The following MTMR10 variants were observed in gnomAD, a reference collection of about 807,000 sequenced individuals.
MTMR10 encodes myotubularin related protein 10, also known as myotubularin-related protein 10.
A neutral mutation model predicts 88.1 loss-of-function variants in MTMR10; 56 were observed. The ratio of observed to expected loss-of-function variants is 0.64; its 90% CI spans 0.51 to 0.79. MTMR10 has a LOEUF of 0.79. Ranked by LOEUF, MTMR10 falls within the 30% of genes least tolerant of loss-of-function variation. The pLI, the probability that MTMR10 is intolerant of heterozygous loss-of-function variation, is 0.00. For synonymous variants in MTMR10, 380 were observed against 340.9 expected (o/e 1.11, Z -1.26); for missense variants, 883 against 924.7 (o/e 0.95, Z 0.58).
chr15:30,969,825 A>G (rs1181542166), intron 5 of MTMR10, among the ~76,000 whole-genome samples: 3 of 152,018 alleles, frequency 2.0e-5, no homozygotes, highest in Non-Finnish European at 4.4e-5. Flanking sequence ...GTTTGAACAC[A>G]TTCTGCCTGA....
intron 14 of MTMR10, among the ~76,000 whole-genome samples, chr15:30,944,940 A>C (rs1430213960): frequency 1.3e-5 from 2 of 151,804 alleles, no homozygotes; most frequent in Non-Finnish European, 2.9e-5. Context: ...TGGACCCAGG[A>C]GGCAGAGGTT....
At chr15:30,962,809 C>T (rs1456141000) in intron 6 of MTMR10, among the ~76,000 whole-genome samples, 1 of 152,160 alleles carries the variant, frequency 6.6e-6, no homozygotes, top group Non-Finnish European at 1.5e-5. Context: ...AAAGAGAAGT[C>T]CCCTAACTCT....
chr15:30,979,432 G>A (rs912176937), intron 2 of MTMR10, among the ~76,000 whole-genome samples: 15 of 151,654 alleles, frequency 9.9e-5, no homozygotes, highest in African/African-American at 3.4e-4. Flanking sequence ...GTGGTGGTGC[G>A]CCAGGCGTGG....
In MTMR10 at chr15:30,974,997, G is replaced by A; in HGVS notation, c.265C>T (p.His89Tyr). 9 of 1,554,034 alleles carry A rather than the reference G, an allele frequency of 5.8e-6. No individual in the cohort carries two copies. Among genetic ancestry groups the A allele is most frequent in the Non-Finnish European group, 7.9e-6 (9 of 1,145,034 alleles). The change falls in exon 4 of 16, where the codon CAT (histidine) becomes TAT (tyrosine). Residue 89 changes from histidine (H) to tyrosine (Y), a missense_variant. His to Tyr is a moderately conservative substitution (Grantham distance 83). Coordinates refer to ENST00000435680, the MANE Select transcript of MTMR10 (RefSeq NM_017762.3). ...TDDPMPLQKF[H>Y]YRNLLLGEHD... is the part of the protein sequence containing the mutation. The stretch of plus-strand genomic sequence containing the variant: ...TCACCAAGAAGAAGGTTTCTGTAAT[G>A]GAATTTCTGGAATAAAAAATTATGT...
the MTMR10 span, chr15:30,925,258 G>C: frequency 3.7e-6 from 6 of 1,614,194 alleles, no homozygotes; most frequent in Non-Finnish European, 5.1e-6. Flanking sequence ...TCTTCCAGCA[G>C]CTCCCAGAAA....
chr15:30,981,369 T>G (rs982887669), intron 2 of MTMR10, among the ~76,000 whole-genome samples: 2 of 152,190 alleles, frequency 1.3e-5, no homozygotes, highest in African/African-American at 4.8e-5. Context: ...TAACCTGAAG[T>G]GATCGAGGTT....
the MTMR10 span, chr15:30,927,448 G>A: frequency 1.3e-5 from 13 of 985,528 alleles, no homozygotes; most frequent in Non-Finnish European, 1.6e-5. Context: ...GGGATGAGGG[G>A]CTAGAACTGA....
chr15:30,955,393 C>T (rs982691125), intron 9 of MTMR10, among the ~76,000 whole-genome samples: 12 of 152,228 alleles, frequency 7.9e-5, no homozygotes, highest in African/African-American at 2.7e-4. Context: ...GCCTCACCCT[C>T]CCGAGTAGTT....
chr15:30,989,586 G>GT (rs35798908), intron 2 of MTMR10, among the ~76,000 whole-genome samples: 41,399 of 143,314 alleles, frequency 0.29, 6,213 homozygotes, highest in Non-Finnish European at 0.33. Context: ...TTGATTTCAG[G>GT]TTTTTTTTTT....
At chr15:30,938,904 C>T, downstream of MTMR10, 1 of 984,840 alleles carries the variant, frequency 1.0e-6, no homozygotes, top group Non-Finnish European at 1.2e-6. Context: ...CTATCAATCA[C>T]TGTGTTCCAG....
At chr15:30,942,122 A>C in intron 15 of MTMR10, 50 bp from the exon 16 acceptor site, 1 of 1,553,726 alleles carries the variant, frequency 6.4e-7, no homozygotes, top group Non-Finnish European at 8.7e-7. Flanking sequence ...TTTTAGAAAG[A>C]TTGAAGGATG....
At chr15:30,956,414 C>A (rs2063328894) in intron 9 of MTMR10, 1 of 152,100 alleles carries the variant, frequency 6.6e-6, no homozygotes, top group Admixed American at 6.5e-5. Context: ...GTGGTGAATG[C>A]CATGGATGAT....
At chr15:30,968,601 T>C (rs2063501014) in intron 5 of MTMR10, among the ~76,000 whole-genome samples, 1 of 150,144 alleles carries the variant, frequency 6.7e-6, no homozygotes, top group African/African-American at 2.5e-5. Context: ...TAAAATGGTT[T>C]GGGACTGTGT....
chr15:30,937,176 G>A, downstream of MTMR10: 1 of 1,614,112 alleles, frequency 6.2e-7, no homozygotes, highest in South Asian at 1.1e-5. Context: ...GATCTGGCTG[G>A]CTGAACTGCA....
At chr15:30,970,549 G>A (rs964155034) in intron 5 of MTMR10, among the ~76,000 whole-genome samples, 1 of 152,030 alleles carries the variant, frequency 6.6e-6, no homozygotes, top group African/African-American at 2.4e-5. Context: ...ACTGACAAAA[G>A]TAGTTACCAA....
At chr15:30,936,553 CAGAAT>C (rs2062857929), downstream of MTMR10, among the ~76,000 whole-genome samples, 2 of 152,338 alleles carry the variant, frequency 1.3e-5, no homozygotes. Context: ...CTAGTTTCTA[CAGAAT>C]AGAAGAATTT....
Position 30,944,875 on chromosome 15 carries a change from G to A in MTMR10, c.1549-1803C>T, listed in dbSNP as rs758983505. Among the ~76,000 whole-genome samples the A allele has an allele frequency of 2.0e-5, 3 of 152,026 alleles. No individual in the cohort carries two copies. In the South Asian group the frequency reaches 6.2e-4, roughly 32 times the overall value. On this transcript the variant is annotated intron_variant, in intron 14 of 15. Transcript: ENST00000435680. ...AAAAATACAAAAATTAGCTAGGCGT[G>A]GTGGCATGCGCCTGCAGTCCTAGCT...
At chr15:30,951,914 A>T (rs1165390063) in intron 12 of MTMR10, 54 bp downstream of exon 12, 9 of 1,491,166 alleles carry the variant, frequency 6.0e-6, no homozygotes, top group Admixed American at 1.7e-5. Flanking sequence ...CAAGCAGTAA[A>T]CCAAGGCTGG....
intron 2 of MTMR10, among the ~76,000 whole-genome samples, chr15:30,990,035 C>G (rs189044213): frequency 2.4e-4 from 36 of 152,280 alleles, no homozygotes; most frequent in African/African-American, 8.2e-4. Context: ...AAACCCCTTT[C>G]TACCACCAAT....
Sources: allele counts gnomAD v4.1 joint callset (sites outside exome capture counted in the v4.1 genomes callset), GRCh38; gene constraint gnomAD v4.1.1; transcripts MANE v1.5; gene names NCBI Gene and HGNC (gene_info 2026-07-23, HGNC 2026-07-21).